Variants in ZNF568 observed in about 807,000 individuals in gnomAD.
ZNF568 encodes p53 inhibitor of SCO2 activation.
Under a neutral mutation model 18.1 loss-of-function variants are expected in ZNF568, and 11 were observed. The ratio of observed to expected loss-of-function variants is 0.61; its 90% CI spans 0.38 to 1.00. The LOEUF (loss-of-function observed/expected upper bound fraction) is 1.00. Among genes scored for constraint, ZNF568 ranks in the 50% least tolerant of loss-of-function variants. The pLI is 0.01. For missense variants in ZNF568, 639 were observed against 768.2 expected (o/e 0.83, Z 1.99); for synonymous variants, 213 against 246.6 (o/e 0.86, Z 1.28).
At chr19:36,942,143 C>T (rs892786049) in intron 6 of ZNF568, among the ~76,000 whole-genome samples, 20 of 151,756 alleles carry the variant, frequency 1.3e-4, no homozygotes, top group East Asian at 2.0e-4. Flanking sequence ...CCACCACGCC[C>T]GGCTAATTTT....
At chr19:36,971,898 G>A (rs1302467078) in intron 6 of ZNF568, among the ~76,000 whole-genome samples, 1 of 149,372 alleles carries the variant, frequency 6.7e-6, no homozygotes, top group Non-Finnish European at 1.5e-5. Flanking sequence ...GGAGTGCAGT[G>A]GTACAGTCTC....
At chr19:36,945,568 C>T (rs999559724) in intron 6 of ZNF568, among the ~76,000 whole-genome samples, 1 of 152,010 alleles carries the variant, frequency 6.6e-6, no homozygotes, top group Admixed American at 6.6e-5. Flanking sequence ...TTCAATAAGG[C>T]TTCTGGTCAA....
At chr19:36,989,374 G>C (rs529429479) in intron 2 of ZNF568, among the ~76,000 whole-genome samples, 1 of 151,922 alleles carries the variant, frequency 6.6e-6, no homozygotes, top group African/African-American at 2.4e-5. Context: ...GTAGAGACAG[G>C]GTTTCACCAT....
intron 4 of ZNF568, among the ~76,000 whole-genome samples, chr19:36,992,868 C>T (rs1238874563): frequency 6.6e-6 from 1 of 152,170 alleles, no homozygotes; most frequent in African/African-American, 2.4e-5. Flanking sequence ...CTGTTCTGGA[C>T]ATTTTATATT....
rs377104897 is a variant in ZNF568, at chr19:36,951,102, T to A, written c.*14T>A. Reference sequence around the variant, plus strand: ...CAAGTATATTAAATGAAAGAAGGCCTCTTAAATTCAACCCATGTTTTACTT... The same window carrying A: ...CAAGTATATTAAATGAAAGAAGGCCACTTAAATTCAACCCATGTTTTACTT... On this transcript the variant is annotated 3_prime_UTR_variant, in exon 7 of 7. Coordinates refer to ENST00000333987, the MANE Select transcript of ZNF568 (RefSeq NM_198539.4). The A allele has an allele frequency of 2.0e-6, 3 of 1,490,108 alleles. No individual in the cohort carries two copies. Among genetic ancestry groups the A allele is most frequent in the Non-Finnish European group, 8.9e-7 (1 of 1,122,986 alleles). The allele number at this position is 1,490,108 out of a possible 1,614,324, so 92.3% of individuals were successfully genotyped here.
chr19:36,925,133 A>G (rs2073530110), intron 3 of ZNF568, 67 bp from the exon 4 acceptor site: 3 of 1,443,764 alleles, frequency 2.1e-6, no homozygotes, highest in Non-Finnish European at 2.9e-6. Context: ...GCCACCTGGT[A>G]CTGAAGATTT....
exon 8 of ZNF568, chr19:36,979,722 T>C (rs2074315976): frequency 6.6e-6 from 1 of 152,190 alleles, no homozygotes; most frequent in Non-Finnish European, 1.5e-5. Flanking sequence ...CCTCTTTTTG[T>C]ATCCTGTGCA....
intron 6 of ZNF568, among the ~76,000 whole-genome samples, chr19:36,945,133 A>C (rs2073941196): frequency 6.6e-6 from 1 of 152,094 alleles, no homozygotes; most frequent in African/African-American, 2.4e-5. Context: ...TAAGTGAAAA[A>C]AACTCAGCGT....
At chr19:36,938,174 G>T (rs1270350665) in intron 6 of ZNF568, among the ~76,000 whole-genome samples, 3 of 152,102 alleles carry the variant, frequency 2.0e-5, no homozygotes, top group African/African-American at 7.2e-5. Flanking sequence ...CACTGTCTTT[G>T]TTCAGATTTT....
At chr19:36,974,254 C>T (rs2146334841) in intron 6 of ZNF568, among the ~76,000 whole-genome samples, 1 of 152,228 alleles carries the variant, frequency 6.6e-6, no homozygotes, top group African/African-American at 2.4e-5. Context: ...TCTCTGGGCT[C>T]CTAAGGTCAC....
In ZNF568 at chr19:36,993,341, G is replaced by C. The variant is rs2074442125; in HGVS notation, c.229+1495G>C. Among the ~76,000 whole-genome samples, 3 of 152,072 alleles carry C rather than the reference G, an allele frequency of 2.0e-5. No individual in the cohort carries two copies. In the South Asian group the frequency reaches 6.2e-4, roughly 31 times the overall value. Reference sequence around the variant, plus strand: ...TCCTTTATGCTGTTGGATCTGGTTTGGTCTTTTTTGTTGAAGATACTGGTC... The same window carrying C: ...TCCTTTATGCTGTTGGATCTGGTTTCGTCTTTTTTGTTGAAGATACTGGTC... On this transcript the variant is annotated intron_variant, in intron 4 of 4. Transcript: ENST00000433993.
In ZNF568 at chr19:36,927,903, A is replaced by AT. The variant is rs71177414; in HGVS notation, c.135+2673dup. Among the ~76,000 whole-genome samples, 25 of 26,620 alleles carry AT rather than the reference A, an allele frequency of 9.4e-4. 1 individual carries two copies. Among genetic ancestry groups the AT allele is most frequent in the South Asian group, 4.4e-3 (3 of 680 alleles). The allele number at this position is 26,620 out of a possible 152,430, so 17.5% of individuals were successfully genotyped here. A position where few individuals can be genotyped will look rare whatever the true frequency, so the allele number is the denominator to read the frequency against. ...ATATATATATTATATATATATATAT[A>AT]TTTTTTTTTTTTTTTTTTTTTTTTT... On this transcript the variant is annotated intron_variant, in intron 4 of 6. Transcript: ENST00000333987.
intron 2 of ZNF568, among the ~76,000 whole-genome samples, chr19:36,921,243 C>T (rs1017533923): frequency 1.3e-5 from 2 of 152,100 alleles, no homozygotes; most frequent in African/African-American, 4.8e-5. Context: ...CAGCAGATCA[C>T]CTGAGGTCAG....
At chr19:36,986,114 G>A (rs2074374393) in intron 2 of ZNF568, among the ~76,000 whole-genome samples, 1 of 152,146 alleles carries the variant, frequency 6.6e-6, no homozygotes, top group Non-Finnish European at 1.5e-5. Context: ...GTATTGTTAT[G>A]TGAACTGCAG....
At chr19:36,926,160 A>G (rs1644710) in intron 4 of ZNF568, among the ~76,000 whole-genome samples, 51,825 of 147,926 alleles carry the variant, frequency 0.35, 9,093 homozygotes, top group African/African-American at 0.38. Context: ...TCTGATATCC[A>G]TAGCTTTTCA....
chr19:36,937,830 T>G (rs1037671745), intron 6 of ZNF568, among the ~76,000 whole-genome samples: 1 of 152,186 alleles, frequency 6.6e-6, no homozygotes, highest in Non-Finnish European at 1.5e-5. Context: ...CTTTAATTTT[T>G]TTGAAACTAC....
chr19:36,942,598 C>CAAAAAAAA (rs1157835192), intron 6 of ZNF568, among the ~76,000 whole-genome samples: 1 of 68,460 alleles, frequency 1.5e-5, no homozygotes, highest in African/African-American at 5.9e-5. Flanking sequence ...GACTCCGTCT[C>CAAAAAAAA]AAAAAAAAAA....
At chr19:36,969,686 AT>A (rs1022851102) in intron 6 of ZNF568, among the ~76,000 whole-genome samples, 9 of 150,382 alleles carry the variant, frequency 6.0e-5, no homozygotes, top group African/African-American at 2.0e-4. Flanking sequence ...TTTCGTTGTC[AT>A]GATTTCCTCT....
At chr19:36,938,787 A>G (rs1351768363) in intron 6 of ZNF568, among the ~76,000 whole-genome samples, 2 of 152,224 alleles carry the variant, frequency 1.3e-5, no homozygotes, top group East Asian at 3.9e-4. Flanking sequence ...TAGGTGACTT[A>G]TTTTCCAGGA....
Sources: gnomAD v4.1 joint callset for allele counts (sites outside exome capture counted in the v4.1 genomes callset) on GRCh38, gnomAD v4.1.1 for gene constraint, MANE v1.5 for transcripts, NCBI Gene and HGNC (gene_info 2026-07-23, HGNC 2026-07-21) for gene names.